The following DBF4B variants were observed in gnomAD, a reference collection of about 807,000 sequenced individuals.
The protein encoded by DBF4B is protein DBF4 homolog B.
DBF4B carries 49 observed loss-of-function variants against 53.4 expected under a neutral mutation model. That is an observed-to-expected ratio of 0.92 (90% CI 0.73 to 1.16). DBF4B has a LOEUF of 1.16. Ranked by LOEUF, DBF4B falls within the 50% of genes most tolerant of loss-of-function variation. DBF4B has a pLI of 0.00. For synonymous variants in DBF4B, 257 were observed against 288.7 expected, an observed-to-expected ratio of 0.89 and a Z score of 1.11; for missense variants, 692 against 775.0, an observed-to-expected ratio of 0.89 and a Z score of 1.27.
At chr17:44,712,930 C>T (rs1477004347) in intron 2 of DBF4B, among the ~76,000 whole-genome samples, 1 of 151,840 alleles carries the variant, frequency 6.6e-6, no homozygotes. Context: ...TTTTTTCTGT[C>T]CTACCACTTC....
chr17:44,746,950 GC>G (rs1475378969), intron 10 of DBF4B, 132 bp from the exon 11 acceptor site: 1 of 745,100 alleles, frequency 1.3e-6, no homozygotes, highest in African/African-American at 1.7e-5. Flanking sequence ...AGGCCTGCCT[GC>G]CGGTGCCTGC....
At position 44,750,893 on chromosome 17, in the gene DBF4B, C is replaced by A; in HGVS notation, c.1488C>A (p.Phe496Leu). The A allele has an allele frequency of 1.9e-6, 3 of 1,614,206 alleles. No individual in the cohort carries two copies. In the South Asian group the frequency reaches 3.3e-5, roughly 18 times the overall value. The part of the protein sequence containing the change: ...ADIPVKGPLL[F>L]PEARPWLMSA... Reference sequence around the variant, plus strand: ...TTCCTGTTAAGGGCCCACTCCTCTTCCCTGAAGCCAGACCGTGGCTTATGT... The same window carrying A: ...TTCCTGTTAAGGGCCCACTCCTCTTACCTGAAGCCAGACCGTGGCTTATGT... Residue 496 changes from phenylalanine (F) to leucine (L), a missense_variant, in exon 14 of 14, where the codon TTC becomes TTA. By Grantham distance (22) the Phe-to-Leu change is conservative. This residue lies in a region of DBF4B where 597 missense variants were observed against 665.8 expected (regional missense o/e 0.90). Coordinates refer to ENST00000315005, the MANE Select transcript of DBF4B (RefSeq NM_145663.3).
At position 44,730,123 on chromosome 17, in the gene DBF4B, G is replaced by A. The variant is rs200024793; in HGVS notation, c.417+27G>A. The A allele has an allele frequency of 9.3e-6, 15 of 1,609,080 alleles. No homozygotes were observed. In the African/African-American group the frequency reaches 1.7e-4, roughly 19 times the overall value. On this transcript the variant is annotated intron_variant, in intron 4 of 13. Transcript: ENST00000315005. ...TAAGAACCTCATGTAGGAAAGGTAT[G>A]CTGTGTAAACAAAGGAAGTAGGCTT...
chr17:44,709,501 T>A, intron 2 of DBF4B, 135 bp downstream of exon 2: 2 of 1,017,954 alleles, frequency 2.0e-6, no homozygotes, highest in East Asian at 2.4e-5. Flanking sequence ...TCATTTTATT[T>A]ATTGGGATGG....
At chr17:44,715,812 CTTTTTTTTTTTTTTTTTTT>C (rs869200833) in intron 2 of DBF4B, among the ~76,000 whole-genome samples, 1 of 55,512 alleles carries the variant, frequency 1.8e-5, no homozygotes, top group Non-Finnish European at 3.3e-5. Flanking sequence ...TTCTTTCTTT[CTTTTTTTTTTTTTTTTTTT>C]TTTTTTTTTG....
Position 44,749,030 on chromosome 17 carries a change from G to A in DBF4B, c.1189+565G>A. On this transcript the variant is annotated intron_variant, in intron 13 of 13. Transcript: ENST00000315005. This position sits in a 1 kb window ranked among gnomAD's most constrained non-coding sequence, Gnocchi z 4.4. ...GAGGATTCTGAGTGTACAGCCACTG[G>A]CCCTGTATCCCAGGAGGCTGGCCAG... 5 of 1,289,832 alleles carry A rather than the reference G, an allele frequency of 3.9e-6. No individual in the cohort carries two copies. The highest frequency in any genetic ancestry group is 5.1e-6 in the Non-Finnish European group (5 of 988,858). The allele number at this position is 1,289,832 out of a possible 1,614,324, so 79.9% of individuals were successfully genotyped here. A position where few individuals can be genotyped will look rare whatever the true frequency, so the allele number is the denominator to read the frequency against.
intron 3 of DBF4B, among the ~76,000 whole-genome samples, chr17:44,724,740 G>A (rs1170487367): frequency 1.3e-5 from 2 of 152,234 alleles, no homozygotes; most frequent in African/African-American, 2.4e-5. Context: ...AACACTTTGG[G>A]AGGCTGAGGT....
rs372244709 is a variant in DBF4B, at chr17:44,741,944, T to C, written c.830+492T>C. On this transcript the variant is annotated intron_variant, in intron 10 of 13. Coordinates refer to ENST00000315005, the MANE Select transcript of DBF4B (RefSeq NM_145663.3). ...ATTATCAGAGTCCCCTGGGGTCTCTTTAATTAAAAATACAAGTTCTAGCTG... is the reference window on the plus strand; with the variant it reads ...ATTATCAGAGTCCCCTGGGGTCTCTCTAATTAAAAATACAAGTTCTAGCTG... Among the ~76,000 whole-genome samples, 124 of 152,114 alleles carry C rather than the reference T, an allele frequency of 8.2e-4. 1 individual carries two copies. The highest frequency in any genetic ancestry group is 2.8e-3 in the African/African-American group (118 of 41,486).
intron 10 of DBF4B, among the ~76,000 whole-genome samples, chr17:44,741,850 C>T (rs139374960): frequency 4.6e-5 from 7 of 152,168 alleles, no homozygotes; most frequent in African/African-American, 1.7e-4. Context: ...TTACCTCACT[C>T]GGCAGGGTTT....
At chr17:44,743,607 CTTTT>C (rs71136042) in intron 10 of DBF4B, among the ~76,000 whole-genome samples, 1 of 114,082 alleles carries the variant, frequency 8.8e-6, no homozygotes, top group Non-Finnish European at 1.8e-5. Flanking sequence ...CTGTATGATT[CTTTT>C]TTTTTTTTTT....
chr17:44,719,750 C>A, intron 2 of DBF4B: 1 of 190,472 alleles, frequency 5.3e-6, no homozygotes, highest in South Asian at 1.3e-4. Context: ...TTATTAGGTT[C>A]TTAAGAAATT....
chr17:44,716,384 G>A (rs1973338742), intron 2 of DBF4B, among the ~76,000 whole-genome samples: 2 of 152,028 alleles, frequency 1.3e-5, no homozygotes, highest in Admixed American at 1.3e-4. Flanking sequence ...GCTCACTGGG[G>A]CAACAGATCT....
At chr17:44,725,887 A>G (rs1974285670) in intron 3 of DBF4B, among the ~76,000 whole-genome samples, 1 of 151,354 alleles carries the variant, frequency 6.6e-6, no homozygotes, top group Non-Finnish European at 1.5e-5. Flanking sequence ...GAGTGTCGCC[A>G]TGTTGCCCCA....
At chr17:44,722,472 G>A (rs1195335114) in intron 2 of DBF4B, among the ~76,000 whole-genome samples, 1 of 152,124 alleles carries the variant, frequency 6.6e-6, no homozygotes, top group East Asian at 1.9e-4. Context: ...CTGGCAACAG[G>A]GCAGGCAGTG....
At chr17:44,726,416 A>G (rs1176916370) in intron 3 of DBF4B, among the ~76,000 whole-genome samples, 4 of 150,290 alleles carry the variant, frequency 2.7e-5, no homozygotes, top group African/African-American at 9.8e-5. Context: ...TTTTCTAGCT[A>G]TGATCATGAG....
intron 9 of DBF4B, among the ~76,000 whole-genome samples, chr17:44,739,712 A>G (rs1168236905): frequency 6.6e-6 from 1 of 152,228 alleles, no homozygotes; most frequent in Admixed American, 6.5e-5. Context: ...AGAGAGGGGT[A>G]CACATATTCC....
At position 44,751,437 on chromosome 17, in the gene DBF4B, A is replaced by G; in HGVS notation, c.*184A>G. On this transcript the variant is annotated 3_prime_UTR_variant, in exon 14 of 14. Transcript: ENST00000315005. ...GTGGGCATTGCCTTATCTTGCAGTC[A>G]GTCCCTTTTCAACATGTTGCCGTTT... 1 of 1,424,000 alleles carries G rather than the reference A, an allele frequency of 7.0e-7. No individual in the cohort carries two copies. Among genetic ancestry groups the G allele is most frequent in the East Asian group, 2.5e-5 (1 of 39,642 alleles). The allele number at this position is 1,424,000 out of a possible 1,614,324, so 88.2% of individuals were successfully genotyped here. A position where few individuals can be genotyped will look rare whatever the true frequency, so the allele number is the denominator to read the frequency against.
chr17:44,722,852 T>G, intron 2 of DBF4B, 28 bp from the exon 3 acceptor site: 1 of 1,611,618 alleles, frequency 6.2e-7, no homozygotes, highest in Non-Finnish European at 8.5e-7. Context: ...TCAAACTTCT[T>G]ACTTTGCTCC....
intron 2 of DBF4B, among the ~76,000 whole-genome samples, chr17:44,722,074 C>T (rs1450290842): frequency 1.3e-5 from 2 of 151,222 alleles, no homozygotes; most frequent in Non-Finnish European, 2.9e-5. Context: ...AAGGAGGTTG[C>T]GATAAGCCGA....
Sources: gnomAD v4.1 joint callset for allele counts (sites outside exome capture counted in the v4.1 genomes callset) on GRCh38, gnomAD v4.1.1 for gene constraint, gnomAD v4.1.1 regional missense constraint, Gnocchi (gnomAD v3.1) non-coding constraint, MANE v1.5 for transcripts, NCBI Gene and HGNC (gene_info 2026-07-23, HGNC 2026-07-21) for gene names.